EFCAB11: variants seen among roughly 807,000 people sequenced by gnomAD.
EFCAB11 encodes EF-hand calcium-binding domain-containing protein 11.
Under a neutral mutation model 23.0 loss-of-function variants are expected in EFCAB11, and 14 were observed. That is an observed-to-expected ratio of 0.61 (90% CI 0.40 to 0.95). The LOEUF is 0.95. Ranked by LOEUF, EFCAB11 falls within the 40% of genes least tolerant of loss-of-function variation. The probability of loss-of-function intolerance (pLI) is 0.00; values close to 1 mark genes in which losing one functional copy is unlikely to be tolerated. For missense variants in EFCAB11, 198 were observed against 195.8 expected (o/e 1.01, Z -0.07); for synonymous variants, 65 against 66.6 (o/e 0.98, Z 0.11).
intron 5 of EFCAB11, among the ~76,000 whole-genome samples, chr14:89,911,018 C>A (rs1889658653): frequency 6.6e-6 from 1 of 152,204 alleles, no homozygotes; most frequent in Non-Finnish European, 1.5e-5. Flanking sequence ...ACCTAGTACA[C>A]ACACTATGGA....
At chr14:89,925,865 G>A (rs566020435) in intron 5 of EFCAB11, among the ~76,000 whole-genome samples, 35 of 151,942 alleles carry the variant, frequency 2.3e-4, no homozygotes, top group Admixed American at 5.9e-4. Context: ...GTCTTGCTCC[G>A]TCGCCCAGGT....
intron 5 of EFCAB11, among the ~76,000 whole-genome samples, chr14:89,832,686 C>T (rs1164059119): frequency 1.3e-5 from 2 of 152,164 alleles, no homozygotes; most frequent in Non-Finnish European, 2.9e-5. Flanking sequence ...GTGCTTAGAA[C>T]ACTTACATTA....
chr14:89,879,014 A>C (rs1446241554), intron 5 of EFCAB11, among the ~76,000 whole-genome samples: 1 of 151,994 alleles, frequency 6.6e-6, no homozygotes. Flanking sequence ...AATTAACCCA[A>C]AATGTACTTT....
intron 5 of EFCAB11, among the ~76,000 whole-genome samples, chr14:89,928,310 T>C (rs1337574664): frequency 6.6e-6 from 1 of 152,158 alleles, no homozygotes; most frequent in East Asian, 1.9e-4. Context: ...AAATATTTTA[T>C]TAATGGCAAA....
chr14:89,795,024 C>T lies in EFCAB11; in HGVS notation c.*2219G>A, dbSNP rs1885530915. On this transcript the variant is annotated 3_prime_UTR_variant, in exon 6 of 6. Transcript: ENST00000316738. ...AGGGAGTCTCGCTCTGTTGCCCAGACTGGAGTGCAGTGGCACCATTTCAGC... is the reference window on the plus strand; with the variant it reads ...AGGGAGTCTCGCTCTGTTGCCCAGATTGGAGTGCAGTGGCACCATTTCAGC... 1 of 121,568 alleles carries T rather than the reference C, an allele frequency of 8.2e-6. No homozygotes were observed. Among genetic ancestry groups the T allele is most frequent in the African/African-American group, 3.2e-5 (1 of 31,702 alleles). 7.5% of individuals were successfully genotyped at this position (121,568 alleles called of 1,614,324 possible). A position where few individuals can be genotyped will look rare whatever the true frequency, so the allele number is the denominator to read the frequency against.
At chr14:89,954,237 C>A (rs1401431905) in intron 1 of EFCAB11, 4 of 1,187,716 alleles carry the variant, frequency 3.4e-6, no homozygotes, top group Non-Finnish European at 1.2e-6. Context: ...CTAGGTGACG[C>A]AAATTAATTC....
At chr14:89,837,229 C>A in intron 5 of EFCAB11, 1 of 417,936 alleles carries the variant, frequency 2.4e-6, no homozygotes, top group South Asian at 1.7e-5. Context: ...GCATATCCAT[C>A]CAATCAATTT....
At position 89,818,718 on chromosome 14, in the gene EFCAB11, G is replaced by T. The variant is rs138803558; in HGVS notation, c.411-21394C>A. On this transcript the variant is annotated intron_variant, in intron 5 of 5. Transcript: ENST00000316738. ...AATACCACGTAAAAAATAGGTGAGA[G>T]ATTTGAACAGATACTTCACTAAAGA... is the stretch of plus-strand genomic sequence containing the variant. Among the ~76,000 whole-genome samples, 388 of 152,226 alleles carry T rather than the reference G, an allele frequency of 2.5e-3. 3 individuals carry two copies. The Middle Eastern group carries it at 0.034, about 13-fold the overall frequency.
chr14:89,891,916 C>G (rs562530715), intron 5 of EFCAB11, among the ~76,000 whole-genome samples: 45 of 152,132 alleles, frequency 3.0e-4, no homozygotes, highest in African/African-American at 9.9e-4. Flanking sequence ...AGCCCAAGCC[C>G]GAGCCCACGG....
chr14:89,872,390 G>A (rs965866232), intron 5 of EFCAB11, among the ~76,000 whole-genome samples: 4 of 152,188 alleles, frequency 2.6e-5, no homozygotes, highest in African/African-American at 9.7e-5. Flanking sequence ...CATGGGTGGG[G>A]CACAGTGCAA....
intron 5 of EFCAB11, among the ~76,000 whole-genome samples, chr14:89,870,667 C>T (rs1888237988): frequency 6.6e-6 from 1 of 151,414 alleles, no homozygotes. Flanking sequence ...AGCGGTGGCT[C>T]ATGCCTGTAA....
intron 5 of EFCAB11, chr14:89,836,781 G>A: frequency 4.9e-6 from 2 of 407,236 alleles, no homozygotes; most frequent in South Asian, 3.7e-5. Flanking sequence ...CACTTTGGGA[G>A]GCTGAGGTGG....
chr14:89,809,275 T>C (rs1236804640), intron 5 of EFCAB11, among the ~76,000 whole-genome samples: 1 of 152,150 alleles, frequency 6.6e-6, no homozygotes, highest in Non-Finnish European at 1.5e-5. Context: ...GGGATTTCAA[T>C]AATGCGTAAA....
chr14:89,944,943 CTAA>C (rs1363767169), intron 3 of EFCAB11, among the ~76,000 whole-genome samples: 1 of 101,346 alleles, frequency 9.9e-6, no homozygotes, highest in Non-Finnish European at 2.0e-5. Flanking sequence ...AATAATAAAT[CTAA>C]TAAAATATTA....
intron 5 of EFCAB11, among the ~76,000 whole-genome samples, chr14:89,867,518 G>A (rs12588350): frequency 0.68 from 103,559 of 152,074 alleles, 39,378 homozygotes; most frequent in Non-Finnish European, 0.86. Context: ...CTCCTCTTAC[G>A]GCTGCTCTGC....
At chr14:89,873,075 T>C (rs1888332298) in intron 5 of EFCAB11, among the ~76,000 whole-genome samples, 2 of 152,172 alleles carry the variant, frequency 1.3e-5, no homozygotes, top group Admixed American at 6.6e-5. Context: ...ATGTCACAGA[T>C]AAAGACATAC....
chr14:89,843,755 CAA>C (rs1380498245), intron 5 of EFCAB11, among the ~76,000 whole-genome samples: 1 of 152,156 alleles, frequency 6.6e-6, no homozygotes, highest in African/African-American at 2.4e-5. Flanking sequence ...CACTGGTCAT[CAA>C]AAAATGTTTA....
intron 5 of EFCAB11, among the ~76,000 whole-genome samples, chr14:89,878,481 A>G (rs533656185): frequency 2.0e-5 from 3 of 152,210 alleles, no homozygotes; most frequent in Non-Finnish European, 4.4e-5. Flanking sequence ...TCCATATCCA[A>G]AACAAGAAAA....
At chr14:89,916,167 AAG>A (rs1889834446) in intron 5 of EFCAB11, among the ~76,000 whole-genome samples, 1 of 150,414 alleles carries the variant, frequency 6.6e-6, no homozygotes, top group Admixed American at 6.6e-5. Flanking sequence ...AAAAAAAAAA[AAG>A]AAAAAAAGAA....
Sources: allele counts gnomAD v4.1 joint callset (sites outside exome capture counted in the v4.1 genomes callset), GRCh38; gene constraint gnomAD v4.1.1; transcripts MANE v1.5; gene names NCBI Gene and HGNC (gene_info 2026-07-23, HGNC 2026-07-21).